Variants in RSPO4 observed in about 807,000 individuals in gnomAD.
RSPO4 encodes R-spondin 4, also known as R-spondin-4.
A neutral mutation model predicts 24.8 loss-of-function variants in RSPO4; 23 were observed. The ratio of observed to expected loss-of-function variants is 0.93; its 90% CI spans 0.67 to 1.31. RSPO4 has a LOEUF of 1.31. Ranked by LOEUF, RSPO4 falls within the 40% of genes most tolerant of loss-of-function variation. The pLI is 0.00. For synonymous variants in RSPO4, 141 were observed against 127.4 expected, an observed-to-expected ratio of 1.11 and a Z score of -0.72; for missense variants, 333 against 316.5, an observed-to-expected ratio of 1.05 and a Z score of -0.39.
chr20:965,820 G>A (rs1017834273), intron 3 of RSPO4, among the ~76,000 whole-genome samples: 1 of 152,196 alleles, frequency 6.6e-6, no homozygotes, highest in African/African-American at 2.4e-5. Flanking sequence ...GAAATGTCAT[G>A]TCCTTGAGTG....
chr20:986,159 G>A (rs146076119), intron 1 of RSPO4, among the ~76,000 whole-genome samples: 219 of 152,328 alleles, frequency 1.4e-3, no homozygotes, highest in African/African-American at 4.7e-3. Flanking sequence ...GGTCAAGCTC[G>A]TGCTCCTTGC....
intron 1 of RSPO4, among the ~76,000 whole-genome samples, chr20:982,638 G>T (rs1257258808): frequency 3.3e-5 from 5 of 152,174 alleles, no homozygotes. Context: ...GTTCTTTCAG[G>T]TGCTGGCTTT....
At chr20:991,397 G>T (rs1985097497) in intron 1 of RSPO4, among the ~76,000 whole-genome samples, 1 of 152,124 alleles carries the variant, frequency 6.6e-6, no homozygotes, top group African/African-American at 2.4e-5. Context: ...CTCTCCAAAG[G>T]TGAGGACTCT....
chr20:987,211 C>T (rs1321447557), intron 1 of RSPO4, among the ~76,000 whole-genome samples: 2 of 152,216 alleles, frequency 1.3e-5, no homozygotes, highest in Non-Finnish European at 2.9e-5. Context: ...AGTGCACAGC[C>T]TGGCCCCTGG....
intron 1 of RSPO4, among the ~76,000 whole-genome samples, chr20:984,885 A>G (rs1984851609): frequency 1.3e-5 from 2 of 149,412 alleles, no homozygotes; most frequent in Admixed American, 6.6e-5. Context: ...CCATCTGCCC[A>G]CCCATCTATC....
intron 1 of RSPO4, among the ~76,000 whole-genome samples, chr20:999,541 A>G (rs1985398545): frequency 6.6e-6 from 1 of 152,160 alleles, no homozygotes; most frequent in African/African-American, 2.4e-5. Flanking sequence ...GTCACATGAT[A>G]CAACTGGGTC....
intron 1 of RSPO4, among the ~76,000 whole-genome samples, chr20:984,922 CCCATCCATCCAT>C (rs747290984): frequency 8.6e-6 from 1 of 115,938 alleles, no homozygotes; most frequent in East Asian, 3.6e-4. Context: ...TCCATCCATC[CCCATCCATCCAT>C]CCATCCATCC....
chr20:962,819 G>A (rs574975596), intron 4 of RSPO4, among the ~76,000 whole-genome samples: 2 of 152,292 alleles, frequency 1.3e-5, no homozygotes, highest in Admixed American at 6.5e-5. Flanking sequence ...GACGAGTTAC[G>A]TTTGAATTCT....
chr20:991,315 A>G (rs1335431454), intron 1 of RSPO4, among the ~76,000 whole-genome samples: 2 of 152,128 alleles, frequency 1.3e-5, no homozygotes, highest in Non-Finnish European at 2.9e-5. Flanking sequence ...ATAAGGCAGA[A>G]CAAGCCCCCT....
chr20:991,576 A>T (rs1040761254), intron 1 of RSPO4, among the ~76,000 whole-genome samples: 3 of 152,150 alleles, frequency 2.0e-5, no homozygotes, highest in Non-Finnish European at 4.4e-5. Context: ...TAAAATTTAA[A>T]ATTAAAAATC....
intron 1 of RSPO4, among the ~76,000 whole-genome samples, chr20:996,954 C>G (rs1197535394): frequency 6.6e-6 from 1 of 152,222 alleles, no homozygotes; most frequent in Non-Finnish European, 1.5e-5. Flanking sequence ...CTCTCAGACA[C>G]TTACACCTTG....
At position 1,000,014 on chromosome 20, in the gene RSPO4, G is replaced by A. The variant is rs112961826; in HGVS notation, c.79+2072C>T. Among the ~76,000 whole-genome samples, 706 of 152,062 alleles carry A rather than the reference G, an allele frequency of 4.6e-3. 6 individuals are homozygous for A. Among genetic ancestry groups the A allele is most frequent in the African/African-American group, 0.016 (665 of 41,468 alleles). On this transcript the variant is annotated intron_variant, in intron 1 of 4. Transcript: ENST00000217260. ...CTCCCAAGTAGCTGGAATTACAGGC[G>A]CCCGCCACCACACCCAGCTAATCAT...
intron 1 of RSPO4, among the ~76,000 whole-genome samples, chr20:1,001,599 G>A (rs921348249): frequency 6.6e-6 from 1 of 152,166 alleles, no homozygotes; most frequent in African/African-American, 2.4e-5. Flanking sequence ...GGCCATGGAG[G>A]ATCACTGCCC....
chr20:1,002,044 C>G lies in RSPO4; in HGVS notation c.79+42G>C. On this transcript the variant is annotated intron_variant, in intron 1 of 4. Coordinates refer to ENST00000217260, the MANE Select transcript of RSPO4 (RefSeq NM_001029871.4). The surrounding 1 kb of genome is among the most constrained non-coding windows in gnomAD (Gnocchi z 4.6). ...CGGTCCTCCGGCCCCCGGTCTGCCCCGCAGCGCCTGCCCGGCCGCCCTGCC... is the reference window on the plus strand; with the variant it reads ...CGGTCCTCCGGCCCCCGGTCTGCCCGGCAGCGCCTGCCCGGCCGCCCTGCC... 6.6e-7 allele frequency: 1 copy of G among 1,517,708 alleles called. No individual in the cohort carries two copies. The highest frequency in any genetic ancestry group is 8.9e-7 in the Non-Finnish European group (1 of 1,120,308). The allele number at this position is 1,517,708 out of a possible 1,614,324, so 94.0% of individuals were successfully genotyped here. A position where few individuals can be genotyped will look rare whatever the true frequency, so the allele number is the denominator to read the frequency against.
intron 1 of RSPO4, among the ~76,000 whole-genome samples, chr20:986,465 G>A (rs1361097834): frequency 6.6e-6 from 1 of 152,096 alleles, no homozygotes; most frequent in Non-Finnish European, 1.5e-5. Context: ...GCAAATCAGT[G>A]GAGTCAGAAG....
intron 1 of RSPO4, among the ~76,000 whole-genome samples, chr20:976,380 G>T (rs532303322): frequency 6.6e-6 from 1 of 152,310 alleles, no homozygotes; most frequent in East Asian, 1.9e-4. Context: ...AGTGCTCAGG[G>T]CAGAGATACT....
At chr20:990,168 AC>A (rs1245023416) in intron 1 of RSPO4, among the ~76,000 whole-genome samples, 8 of 151,676 alleles carry the variant, frequency 5.3e-5, no homozygotes, top group Non-Finnish European at 1.2e-4. Flanking sequence ...CTCCCTGCCA[AC>A]CCCTGCCAGC....
chr20:963,191 C>G (rs1259793798), intron 4 of RSPO4, among the ~76,000 whole-genome samples: 1 of 152,142 alleles, frequency 6.6e-6, no homozygotes, highest in Non-Finnish European at 1.5e-5. Context: ...TGGGACAGTC[C>G]CCCGCAAAGA....
At chr20:977,995 C>T (rs1213393767) in intron 1 of RSPO4, among the ~76,000 whole-genome samples, 1 of 152,184 alleles carries the variant, frequency 6.6e-6, no homozygotes, top group Non-Finnish European at 1.5e-5. Flanking sequence ...CTCAGAAGAT[C>T]CCCCAGCACA....
Sources: gnomAD v4.1 joint callset for allele counts (sites outside exome capture counted in the v4.1 genomes callset) on GRCh38, gnomAD v4.1.1 for gene constraint, Gnocchi (gnomAD v3.1) non-coding constraint, MANE v1.5 for transcripts, NCBI Gene and HGNC (gene_info 2026-07-23, HGNC 2026-07-21) for gene names.